Variants in LARGE1 observed in about 807,000 individuals in gnomAD.
LARGE1 encodes the protein xylosyl- and glucuronyltransferase LARGE1.
In LARGE1, 43 loss-of-function variants were observed where a neutral mutation model predicts 87.6. The ratio of observed to expected loss-of-function variants is 0.49; its 90% confidence interval spans 0.38 to 0.63. The LOEUF (loss-of-function observed/expected upper bound fraction) is 0.63, where lower values mean the gene tolerates loss of function less well. Ranked by LOEUF, LARGE1 falls within the 30% of genes least tolerant of loss-of-function variation. LARGE1 has a pLI of 0.00. For missense variants in LARGE1, 802 were observed against 1,000.2 expected (o/e 0.80, Z 2.67); for synonymous variants, 434 against 394.6 (o/e 1.10, Z -1.18).
At chr22:33,604,397 A>T (rs950172520) in intron 5 of LARGE1, 38 bp downstream of exon 5, 3 of 1,613,384 alleles carry the variant, frequency 1.9e-6, no homozygotes, top group Non-Finnish European at 2.5e-6. Flanking sequence ...GCTTCCAGCT[A>T]GAGGAGATCA....
chr22:33,761,539 G>T lies in LARGE1; in HGVS notation c.-63C>A. 1 of 1,294,208 alleles carries T rather than the reference G, an allele frequency of 7.7e-7. No individual in the cohort carries two copies. The highest frequency in any genetic ancestry group is 1.1e-6 in the Non-Finnish European group (1 of 891,130). 80.2% of individuals were successfully genotyped at this position (1,294,208 alleles called of 1,614,324 possible). ...TCTCTGTCCGGAGCATGAAGTCCTC[G>T]GCCTCCCTCATAATACTCTCTGAAA... On this transcript the variant is annotated 5_prime_UTR_variant, in exon 2 of 15. Transcript: ENST00000397394.
intron 12 of LARGE1, among the ~76,000 whole-genome samples, chr22:33,292,619 C>A (rs981066333): frequency 2.0e-5 from 3 of 152,148 alleles, no homozygotes; most frequent in Admixed American, 1.3e-4. Context: ...CGCCTAGCTG[C>A]TCCTCAATTC....
chr22:33,909,909 T>C lies in LARGE1; in HGVS notation c.-83+10086A>G, dbSNP rs938273055. Among the ~76,000 whole-genome samples the C allele has an allele frequency of 3.9e-5, 6 of 152,164 alleles. 1 individual carries two copies. In the South Asian group the frequency reaches 8.3e-4, roughly 21 times the overall value. On this transcript the variant is annotated intron_variant, in intron 1 of 14. Coordinates refer to ENST00000397394, the MANE Select transcript of LARGE1 (RefSeq NM_133642.5). ...CTGGCTTCCTCTCCAACCCAAAAAA[T>C]ATATTTGTGCTTGCCAAACTACCCT... is the stretch of plus-strand genomic sequence containing the variant.
chr22:33,283,377 G>C (rs764241039), intron 12 of LARGE1, 29 bp from the exon 13 acceptor site: 5 of 1,613,922 alleles, frequency 3.1e-6, no homozygotes, highest in South Asian at 2.2e-5. Flanking sequence ...CAGAGAGACA[G>C]AGTCCCTGTG....
chr22:33,791,052 T>G (rs908186405), intron 1 of LARGE1, among the ~76,000 whole-genome samples: 1 of 152,214 alleles, frequency 6.6e-6, no homozygotes, highest in Non-Finnish European at 1.5e-5. Context: ...ATATAAAGGA[T>G]AGATGGTCTG....
At chr22:33,787,560 C>T (rs1346210326) in intron 1 of LARGE1, among the ~76,000 whole-genome samples, 1 of 152,174 alleles carries the variant, frequency 6.6e-6, no homozygotes, top group African/African-American at 2.4e-5. Context: ...TCTTCCAGAC[C>T]CCATTCACCA....
chr22:33,325,406 T>C (rs995347772), intron 10 of LARGE1, among the ~76,000 whole-genome samples: 1 of 152,254 alleles, frequency 6.6e-6, no homozygotes, highest in Non-Finnish European at 1.5e-5. Flanking sequence ...GAACAAATTT[T>C]ATTCGCCTTC....
chr22:33,365,318 T>C (rs1198610504), intron 9 of LARGE1, among the ~76,000 whole-genome samples: 1 of 152,190 alleles, frequency 6.6e-6, no homozygotes, highest in Non-Finnish European at 1.5e-5. Context: ...TCCAATTTGG[T>C]GTATCCATAC....
intron 11 of LARGE1, among the ~76,000 whole-genome samples, chr22:33,224,964 A>C (rs973186859): frequency 4.6e-5 from 7 of 152,226 alleles, no homozygotes; most frequent in Non-Finnish European, 8.8e-5. Flanking sequence ...GTGAGCACAG[A>C]CCCTGCTGGG....
At chr22:33,571,493 G>A (rs1327673979) in intron 5 of LARGE1, among the ~76,000 whole-genome samples, 1 of 152,124 alleles carries the variant, frequency 6.6e-6, no homozygotes, top group Non-Finnish European at 1.5e-5. Flanking sequence ...ATGTCTCAAT[G>A]GTGATGACAC....
chr22:33,627,918 T>C (rs1198658663), intron 3 of LARGE1, among the ~76,000 whole-genome samples: 4 of 152,188 alleles, frequency 2.6e-5, no homozygotes, highest in Admixed American at 2.6e-4. Flanking sequence ...CCTCTTCCTC[T>C]ATGGAGGGTC....
At position 33,512,660 on chromosome 22, in the gene LARGE1, G is replaced by A. The variant is rs570461776; in HGVS notation, c.787+52188C>T. 9.2e-5 allele frequency among the ~76,000 whole-genome samples: 14 copies of A among 151,994 alleles called. No individual in the cohort carries two copies. In the South Asian group the frequency reaches 2.5e-3, roughly 27 times the overall value. ...TCTACTAAAATACAAAAATTTAGCC[G>A]GGAGTGGTGGCAGGCGCCTGTAATC... On this transcript the variant is annotated intron_variant, in intron 6 of 14. Transcript: ENST00000397394.
At chr22:33,673,997 T>C (rs518699) in intron 2 of LARGE1, among the ~76,000 whole-genome samples, 5,150 of 148,576 alleles carry the variant, frequency 0.035, 164 homozygotes, top group African/African-American at 0.066. Context: ...TTAGTAGAGA[T>C]GGGGTTTTGC....
rs190975602 is a variant in LARGE1, at chr22:33,300,822, G to C, written c.1730+3407C>G. ...CCCAAAGTGCTGGGATTACACGCGTGAGCCACCGCGCCTGGCCAATTTTTG... is the reference window on the plus strand; with the variant it reads ...CCCAAAGTGCTGGGATTACACGCGTCAGCCACCGCGCCTGGCCAATTTTTG... On this transcript the variant is annotated intron_variant, in intron 12 of 14. Coordinates refer to ENST00000397394, the MANE Select transcript of LARGE1 (RefSeq NM_133642.5). Among the ~76,000 whole-genome samples the C allele has an allele frequency of 4.8e-3, 736 of 152,232 alleles. 9 individuals carry two copies. Among genetic ancestry groups the C allele is most frequent in the Non-Finnish European group, 7.8e-3 (534 of 68,026 alleles).
chr22:33,401,955 C>T (rs1250520713), intron 7 of LARGE1, among the ~76,000 whole-genome samples: 1 of 152,190 alleles, frequency 6.6e-6, no homozygotes, highest in Non-Finnish European at 1.5e-5. Context: ...CTTGCTGATG[C>T]CTTCAATCCT....
At chr22:33,327,327 G>T (rs151278957) in intron 10 of LARGE1, among the ~76,000 whole-genome samples, 2,010 of 152,310 alleles carry the variant, frequency 0.013, 46 homozygotes, top group African/African-American at 0.046. Flanking sequence ...AAGCTTGGAA[G>T]CCTTCTTCAT....
intron 1 of LARGE1, among the ~76,000 whole-genome samples, chr22:33,827,331 C>T (rs1391961445): frequency 1.3e-5 from 2 of 152,066 alleles, no homozygotes; most frequent in Admixed American, 6.5e-5. Flanking sequence ...GATCGCACTA[C>T]TGTACTCCAG....
At chr22:33,220,224 C>T (rs928965479) in intron 11 of LARGE1, among the ~76,000 whole-genome samples, 14 of 152,142 alleles carry the variant, frequency 9.2e-5, no homozygotes, top group African/African-American at 3.4e-4. Flanking sequence ...GAGTTTGCTG[C>T]CAGCTCAAGC....
chr22:33,091,173 C>CA, the LARGE1 span, among the ~76,000 whole-genome samples: 1 of 152,178 alleles, frequency 6.6e-6, no homozygotes, highest in Admixed American at 6.5e-5. Flanking sequence ...TATCCAGCAT[C>CA]AGATCTCTCT....
Sources: allele counts gnomAD v4.1 joint callset (sites outside exome capture counted in the v4.1 genomes callset), GRCh38; gene constraint gnomAD v4.1.1; transcripts MANE v1.5; gene names NCBI Gene and HGNC (gene_info 2026-07-23, HGNC 2026-07-21).